Variants in TTC28 observed in about 807,000 individuals in gnomAD.
TTC28 encodes tetratricopeptide repeat domain 28.
In TTC28, 61 loss-of-function variants were observed where a neutral mutation model predicts 198.0. The ratio of observed to expected loss-of-function variants is 0.31; its 90% CI spans 0.25 to 0.38. The LOEUF (loss-of-function observed/expected upper bound fraction) is 0.38. Among genes scored for constraint, TTC28 ranks in the 10% least tolerant of loss-of-function variants. TTC28 has a pLI of 1.00. For synonymous variants in TTC28, 1,171 were observed against 1,297.8 expected (o/e 0.90, Z 2.10); for missense variants, 2,678 against 3,164.0 (o/e 0.85, Z 3.69).
intron 2 of TTC28, among the ~76,000 whole-genome samples, chr22:28,346,727 T>G (rs1233167826): frequency 6.6e-6 from 1 of 152,092 alleles, no homozygotes; most frequent in Non-Finnish European, 1.5e-5. Context: ...TCAGACAATG[T>G]GTACATTTAG....
intron 6 of TTC28, among the ~76,000 whole-genome samples, chr22:28,112,999 G>A (rs530856997): frequency 6.6e-6 from 1 of 152,178 alleles, no homozygotes; most frequent in Non-Finnish European, 1.5e-5. Context: ...ACTTCAAAGG[G>A]CTGTTGTGAG....
At chr22:28,009,368 C>T (rs931213647) in intron 14 of TTC28, among the ~76,000 whole-genome samples, 1 of 152,226 alleles carries the variant, frequency 6.6e-6, no homozygotes, top group East Asian at 1.9e-4. Context: ...AGAGGCTAAT[C>T]GTTTTAGTCT....
intron 2 of TTC28, among the ~76,000 whole-genome samples, chr22:28,520,721 G>A (rs952696129): frequency 2.0e-5 from 3 of 152,098 alleles, no homozygotes; most frequent in African/African-American, 7.2e-5. Flanking sequence ...TCACACCACT[G>A]CATTCCAGCC....
At chr22:28,271,614 G>A (rs1301938669) in intron 5 of TTC28, among the ~76,000 whole-genome samples, 5 of 151,710 alleles carry the variant, frequency 3.3e-5, no homozygotes, top group African/African-American at 9.7e-5. Context: ...GAGATCTGGT[G>A]GTTTTTTTTG....
At chr22:28,623,789 T>TA (rs1312609104) in intron 2 of TTC28, among the ~76,000 whole-genome samples, 1 of 152,108 alleles carries the variant, frequency 6.6e-6, no homozygotes, top group Non-Finnish European at 1.5e-5. Flanking sequence ...AACTTCTAAA[T>TA]AATCCATGGA....
At chr22:28,549,484 T>C (rs558056216) in intron 2 of TTC28, among the ~76,000 whole-genome samples, 141 of 152,324 alleles carry the variant, frequency 9.3e-4, no homozygotes, top group Admixed American at 3.1e-3. Context: ...TTAGTAAATG[T>C]CTACTGCTGC....
At chr22:28,193,625 G>A (rs1201170164) in intron 5 of TTC28, among the ~76,000 whole-genome samples, 1 of 152,040 alleles carries the variant, frequency 6.6e-6, no homozygotes, top group Non-Finnish European at 1.5e-5. Context: ...AAAAAAGGCA[G>A]GGGTTGCAAA....
At chr22:28,363,569 A>C (rs1291608952) in intron 2 of TTC28, among the ~76,000 whole-genome samples, 1 of 152,008 alleles carries the variant, frequency 6.6e-6, no homozygotes, top group Non-Finnish European at 1.5e-5. Context: ...AGTCCTCCAG[A>C]CTCCAGAATA....
chr22:28,658,812 C>A (rs1182913530), intron 1 of TTC28, among the ~76,000 whole-genome samples: 1 of 152,156 alleles, frequency 6.6e-6, no homozygotes. Flanking sequence ...GCCTGGCCAA[C>A]ATGGTAAAAC....
At chr22:28,433,010 T>C (rs1248765147) in intron 2 of TTC28, among the ~76,000 whole-genome samples, 1 of 152,178 alleles carries the variant, frequency 6.6e-6, no homozygotes, top group African/African-American at 2.4e-5. Flanking sequence ...GTCTTGATGT[T>C]TCATGAATCC....
chr22:28,368,356 T>TA (rs1410995926), intron 2 of TTC28, among the ~76,000 whole-genome samples: 8 of 152,028 alleles, frequency 5.3e-5, no homozygotes, highest in Non-Finnish European at 1.0e-4. Context: ...CCCTTCATGA[T>TA]AAAAACCTTC....
Position 27,979,615 on chromosome 22 carries a change from T to G in TTC28, c.*2606A>C, listed in dbSNP as rs1936950092. 1 of 152,208 alleles carries G rather than the reference T, an allele frequency of 6.6e-6. No homozygotes were observed. Among genetic ancestry groups the G allele is most frequent in the Admixed American group, 6.5e-5 (1 of 15,280 alleles). The allele number at this position is 152,208 out of a possible 1,614,324, so 9.4% of individuals were successfully genotyped here. On this transcript the variant is annotated 3_prime_UTR_variant, in exon 23 of 23. Transcript: ENST00000397906. ...TCATGGCTGTGAAAAACCAGACCGC[T>G]GACCAGTCTTAGCCTGTGGGTCATA...
intron 2 of TTC28, among the ~76,000 whole-genome samples, chr22:28,332,606 C>G (rs2045634384): frequency 6.6e-6 from 1 of 152,002 alleles, no homozygotes; most frequent in Non-Finnish European, 1.5e-5. Flanking sequence ...CATGGTGAAA[C>G]AAGAGAACCA....
At position 28,601,809 on chromosome 22, in the gene TTC28, C is replaced by CACACACACAT. The variant is rs71658621; in HGVS notation, c.381+27742_381+27743insATGTGTGTGT. Among the ~76,000 whole-genome samples, 4 of 151,190 alleles carry CACACACACAT rather than the reference C, an allele frequency of 2.6e-5. No homozygotes were observed. The South Asian group carries it at 6.3e-4, about 24-fold the overall frequency. The stretch of plus-strand genomic sequence containing the variant: ...ACACACACACACACACACACACACA[C>CACACACACAT]ACACACAGTTCTGGGTATGTAGCTC... On this transcript the variant is annotated intron_variant, in intron 2 of 22. Transcript: ENST00000397906.
At position 28,106,993 on chromosome 22, in the gene TTC28, G is replaced by GT. The variant is rs1161459939; in HGVS notation, c.2783+68dup. On this transcript the variant is annotated intron_variant, in intron 7 of 22. Coordinates refer to ENST00000397906, the MANE Select transcript of TTC28 (RefSeq NM_001145418.2). Reference sequence around the variant, plus strand: ...TAACAAACTGCCATGCAGACACGAAGTTGCCTTTACTGCCACAAATGCTCT... The same window carrying GT: ...TAACAAACTGCCATGCAGACACGAAGTTTGCCTTTACTGCCACAAATGCTCT... 3.7e-5 allele frequency: 54 copies of GT among 1,478,246 alleles called. No individual in the cohort carries two copies. In the Middle Eastern group the frequency reaches 1.4e-3, roughly 39 times the overall value. The allele number at this position is 1,478,246 out of a possible 1,614,324, so 91.6% of individuals were successfully genotyped here. A position where few individuals can be genotyped will look rare whatever the true frequency, so the allele number is the denominator to read the frequency against.
At chr22:28,582,002 CCTT>C (rs2050240230) in intron 2 of TTC28, among the ~76,000 whole-genome samples, 1 of 151,700 alleles carries the variant, frequency 6.6e-6, no homozygotes, top group Non-Finnish European at 1.5e-5. Context: ...TAAGTGGTTT[CCTT>C]TTTTGAAAAA....
intron 2 of TTC28, among the ~76,000 whole-genome samples, chr22:28,532,899 G>A (rs1298858420): frequency 6.6e-6 from 1 of 152,152 alleles, no homozygotes; most frequent in Non-Finnish European, 1.5e-5. Flanking sequence ...GTATTGATGG[G>A]ACGTATCTCA....
intron 2 of TTC28, among the ~76,000 whole-genome samples, chr22:28,620,417 T>C (rs2050975956): frequency 1.3e-5 from 2 of 152,014 alleles, no homozygotes; most frequent in South Asian, 4.2e-4. Context: ...TCAGCTTACA[T>C]AATTCTGACT....
intron 2 of TTC28, among the ~76,000 whole-genome samples, chr22:28,456,826 G>A (rs1398224782): frequency 2.0e-5 from 3 of 152,030 alleles, no homozygotes; most frequent in Non-Finnish European, 1.5e-5. Context: ...CGCCCACCTC[G>A]GCCTCACAAA....
Sources: allele counts gnomAD v4.1 joint callset (sites outside exome capture counted in the v4.1 genomes callset), GRCh38; gene constraint gnomAD v4.1.1; transcripts MANE v1.5; gene names NCBI Gene and HGNC (gene_info 2026-07-23, HGNC 2026-07-21).